Variants in LAMA2 observed in about 807,000 individuals in gnomAD.
LAMA2 encodes laminin subunit alpha-2.
LAMA2 carries 269 observed loss-of-function variants against 364.8 expected under a neutral mutation model. The observed-to-expected ratio is 0.74, with a 90% CI of 0.67 to 0.82. The LOEUF is 0.82. Ranked by LOEUF, LAMA2 falls within the 40% of genes least tolerant of loss-of-function variation. The pLI, the probability that LAMA2 is intolerant of heterozygous loss-of-function variation, is 0.00. For missense variants in LAMA2, 3,807 were observed against 3,873.2 expected (o/e 0.98, Z 0.45); for synonymous variants, 1,379 against 1,370.6 (o/e 1.01, Z -0.14).
intron 51 of LAMA2, among the ~76,000 whole-genome samples, chr6:129,470,673 C>G (rs1283379610): frequency 6.6e-6 from 1 of 151,850 alleles, no homozygotes; most frequent in Non-Finnish European, 1.5e-5. Context: ...TAAAAGAACT[C>G]CACTGAGTTT....
intron 1 of LAMA2, among the ~76,000 whole-genome samples, chr6:128,912,152 A>G (rs1378064281): frequency 6.6e-6 from 1 of 152,124 alleles, no homozygotes; most frequent in African/African-American, 2.4e-5. Context: ...TGTCATGTTT[A>G]TCTGGGAGTA....
chr6:129,066,732 A>T (rs1241233896), intron 3 of LAMA2, among the ~76,000 whole-genome samples: 1 of 152,226 alleles, frequency 6.6e-6, no homozygotes, highest in African/African-American at 2.4e-5. Flanking sequence ...ACAGATACAT[A>T]GACCAACAGA....
intron 8 of LAMA2, chr6:129,157,857 A>G (rs1779213518): frequency 6.2e-7 from 1 of 1,614,132 alleles, no homozygotes; most frequent in South Asian, 1.1e-5. Flanking sequence ...GTAGGGCTGG[A>G]AGTGGTTTTT....
intron 1 of LAMA2, among the ~76,000 whole-genome samples, chr6:128,912,187 A>G (rs1421108628): frequency 6.6e-6 from 1 of 152,160 alleles, no homozygotes; most frequent in Non-Finnish European, 1.5e-5. Context: ...CATGGAAAAA[A>G]TGTTCGTTTA....
At chr6:129,130,362 C>T (rs2114934682) in intron 4 of LAMA2, among the ~76,000 whole-genome samples, 1 of 152,324 alleles carries the variant, frequency 6.6e-6, no homozygotes, top group South Asian at 2.1e-4. Context: ...GTCTGTATAT[C>T]ATCTCTCCAC....
intron 4 of LAMA2, among the ~76,000 whole-genome samples, chr6:129,137,614 T>C (rs1777878092): frequency 6.6e-6 from 1 of 152,056 alleles, no homozygotes; most frequent in African/African-American, 2.4e-5. Flanking sequence ...ATAAATGGAA[T>C]TAAAAATATA....
At chr6:129,249,429 T>A (rs1369351841) in intron 12 of LAMA2, among the ~76,000 whole-genome samples, 1 of 152,174 alleles carries the variant, frequency 6.6e-6, no homozygotes, top group East Asian at 1.9e-4. Flanking sequence ...TGTCAGAAAA[T>A]GTAAACCTCA....
chr6:128,955,603 ATTAC>A (rs2114579214), intron 1 of LAMA2, among the ~76,000 whole-genome samples: 1 of 152,052 alleles, frequency 6.6e-6, no homozygotes, highest in South Asian at 2.1e-4. Flanking sequence ...TCTTTCTTCT[ATTAC>A]TTTTACCATT....
At chr6:129,004,487 C>G (rs570789101) in intron 1 of LAMA2, among the ~76,000 whole-genome samples, 1 of 149,224 alleles carries the variant, frequency 6.7e-6, no homozygotes, top group South Asian at 2.2e-4. Context: ...TCACTACTTA[C>G]TGACTTGCAC....
At chr6:129,093,823 C>G (rs985788878) in intron 3 of LAMA2, among the ~76,000 whole-genome samples, 1 of 151,932 alleles carries the variant, frequency 6.6e-6, no homozygotes, top group African/African-American at 2.4e-5. Context: ...TTTAAGACAC[C>G]AAGTTTGTAA....
chr6:129,291,689 A>T lies in LAMA2; in HGVS notation c.2825A>T (p.Asn942Ile). Residue 942 changes from asparagine to isoleucine, a missense_variant, in exon 20 of 65, where the codon AAC becomes ATC. Coordinates refer to ENST00000421865, the MANE Select transcript of LAMA2 (RefSeq NM_000426.4). ...ACTGGACAGTGTGAGTGCAGAGCCA[A>T]CGTTCAGGGTCAGAGATGTGACAAA... is the stretch of plus-strand genomic sequence containing the variant. ...SQTGQCECRA[N>I]VQGQRCDKCK... 6.2e-7 allele frequency: 1 copy of T among 1,613,968 alleles called. No individual in the cohort carries two copies. Among genetic ancestry groups the T allele is most frequent in the Non-Finnish European group, 8.5e-7 (1 of 1,179,810 alleles).
At chr6:128,954,461 T>G (rs183243375) in intron 1 of LAMA2, among the ~76,000 whole-genome samples, 2 of 152,114 alleles carry the variant, frequency 1.3e-5, no homozygotes, top group Admixed American at 1.3e-4. Flanking sequence ...ATTCTATTTT[T>G]TATAGCTCTT....
chr6:128,995,812 A>C (rs1336308743), intron 1 of LAMA2, among the ~76,000 whole-genome samples: 12 of 152,218 alleles, frequency 7.9e-5, no homozygotes, highest in Admixed American at 7.9e-4. Context: ...AGTAAAACAA[A>C]ATAAGGACAT....
intron 1 of LAMA2, among the ~76,000 whole-genome samples, chr6:128,908,822 T>G (rs1176734346): frequency 6.7e-6 from 1 of 149,736 alleles, no homozygotes; most frequent in Non-Finnish European, 1.5e-5. Context: ...TCCCAGAGAT[T>G]CTGGTATGTT....
chr6:129,305,323 GC>G (rs1264293498), intron 22 of LAMA2, among the ~76,000 whole-genome samples: 2 of 137,188 alleles, frequency 1.5e-5, no homozygotes, highest in African/African-American at 5.2e-5. Flanking sequence ...TTTAATGTGT[GC>G]CTTTTTTTTT....
At chr6:128,902,602 G>A (rs967539544) in intron 1 of LAMA2, among the ~76,000 whole-genome samples, 2 of 152,228 alleles carry the variant, frequency 1.3e-5, no homozygotes, top group East Asian at 1.9e-4. Flanking sequence ...GAAGAAATGA[G>A]CTTTCAGTCC....
rs1424818513 is a variant in LAMA2 at position 129,328,344 on chromosome 6, G to A, written c.4243G>A (p.Gly1415Ser). The A allele has an allele frequency of 6.2e-7, 1 of 1,614,066 alleles. No homozygotes were observed. The highest frequency in any genetic ancestry group is 8.5e-7 in the Non-Finnish European group (1 of 1,180,002). ...PGGRTPGPTL[G>S]TCVPCQCNGH... The stretch of plus-strand genomic sequence containing the variant: ...TGGCCGCACCCCTGGACCAACCCTG[G>A]GCACCTGTGTTCCATGTCAATGTAA... Residue 1415 changes from glycine (G) to serine (S), a missense_variant, in exon 29 of 65, where the codon GGC becomes AGC. Coordinates refer to ENST00000421865, the MANE Select transcript of LAMA2 (RefSeq NM_000426.4).
chr6:129,331,576 C>G (rs999030799), intron 29 of LAMA2, among the ~76,000 whole-genome samples: 1 of 151,926 alleles, frequency 6.6e-6, no homozygotes, highest in African/African-American at 2.4e-5. Context: ...TCACATCTTC[C>G]CCCTATGTTC....
intron 38 of LAMA2, among the ~76,000 whole-genome samples, chr6:129,401,878 T>C (rs1779995163): frequency 6.6e-6 from 1 of 152,172 alleles, no homozygotes; most frequent in Non-Finnish European, 1.5e-5. Context: ...CTCTATTCTT[T>C]TTGCTATGTT....
Sources: gnomAD v4.1 joint callset for allele counts (sites outside exome capture counted in the v4.1 genomes callset) on GRCh38, gnomAD v4.1.1 for gene constraint, MANE v1.5 for transcripts, NCBI Gene and HGNC (gene_info 2026-07-23, HGNC 2026-07-21) for gene names.